The following PRKD2 variants were observed in gnomAD, a reference collection of about 807,000 sequenced individuals.
PRKD2 encodes protein kinase D2, also known as serine/threonine-protein kinase D2.
Under a neutral mutation model 86.0 loss-of-function variants are expected in PRKD2, and 22 were observed. The observed-to-expected ratio is 0.26, with a 90% CI of 0.18 to 0.37. PRKD2 has a LOEUF of 0.37. Among genes scored for constraint, PRKD2 ranks in the 10% least tolerant of loss-of-function variants. The pLI, the probability that PRKD2 is intolerant of heterozygous loss-of-function variation, is 1.00. For missense variants in PRKD2, 818 were observed against 1,199.2 expected (o/e 0.68, Z 4.70); for synonymous variants, 509 against 510.9 (o/e 1.00, Z 0.05).
At chr19:46,714,037 C>T (rs918465243) in intron 1 of PRKD2, 36 bp from the exon 2 acceptor site, 5 of 1,603,376 alleles carry the variant, frequency 3.1e-6, no homozygotes, top group Middle Eastern at 3.3e-4. Flanking sequence ...GACGGAAAAG[C>T]TCAGAGCCGC....
chr19:46,702,751 A>G (rs1166224800), intron 5 of PRKD2, among the ~76,000 whole-genome samples: 4 of 151,166 alleles, frequency 2.6e-5, no homozygotes, highest in African/African-American at 9.7e-5. Context: ...GCAGTGGCAC[A>G]ATCATGGCTC....
At chr19:46,690,521 C>G (rs891993296) in intron 13 of PRKD2, 79 bp downstream of exon 13, 1 of 1,341,022 alleles carries the variant, frequency 7.5e-7, no homozygotes, top group Non-Finnish European at 1.1e-6. Context: ...CCCCAGGAAG[C>G]CTTCCCTGAC....
chr19:46,686,851 T>A (rs1255935440), intron 14 of PRKD2, among the ~76,000 whole-genome samples: 2 of 151,624 alleles, frequency 1.3e-5, no homozygotes, highest in Non-Finnish European at 2.9e-5. Flanking sequence ...CTTGGGAGGC[T>A]GAGGTAGGAG....
intron 8 of PRKD2, 49 bp downstream of exon 8, chr19:46,697,684 C>G (rs2122708460): frequency 6.4e-7 from 1 of 1,550,856 alleles, no homozygotes; most frequent in Admixed American, 1.7e-5. Flanking sequence ...TGAGCCGCCC[C>G]TCTTCCAGCC....
chr19:46,703,733 C>T (rs993166386), intron 5 of PRKD2, among the ~76,000 whole-genome samples: 10 of 151,128 alleles, frequency 6.6e-5, no homozygotes, highest in Non-Finnish European at 1.3e-4. Context: ...GATCACACCA[C>T]TGCACTCCAG....
In PRKD2 at chr19:46,678,983, C is replaced by G. The variant is rs951164327; in HGVS notation, c.2071-320G>C. On this transcript the variant is annotated intron_variant, in intron 15 of 17. Transcript: ENST00000291281. This position sits in a 1 kb window ranked among gnomAD's most constrained non-coding sequence, Gnocchi z 5.7. ...ACAATAAATGCTAGCTGCTGCTATA[C>G]CTCTGCCACCTCCAATGGGTCGCTG... Among the ~76,000 whole-genome samples the G allele has an allele frequency of 2.6e-5, 4 of 152,160 alleles. No homozygotes were observed. The South Asian group carries it at 6.2e-4, about 24-fold the overall frequency.
intron 2 of PRKD2, among the ~76,000 whole-genome samples, chr19:46,712,332 G>A (rs1282544061): frequency 6.6e-6 from 1 of 151,998 alleles, no homozygotes; most frequent in Non-Finnish European, 1.5e-5. Context: ...CTTAAGATCA[G>A]CAGTTCGAGA....
intron 14 of PRKD2, among the ~76,000 whole-genome samples, chr19:46,683,144 C>A (rs1311157082): frequency 2.0e-5 from 3 of 150,738 alleles, no homozygotes; most frequent in Admixed American, 6.7e-5. Context: ...TGTGCCACCA[C>A]CACCATGTCG....
At chr19:46,701,588 G>A (rs915488526) in intron 5 of PRKD2, among the ~76,000 whole-genome samples, 4 of 151,752 alleles carry the variant, frequency 2.6e-5, no homozygotes, top group African/African-American at 9.7e-5. Context: ...CCTGACCTCA[G>A]ATGATCCACC....
In PRKD2 at chr19:46,711,143, A is replaced by T. The variant is rs544360638; in HGVS notation, c.380-105T>A. ...ACAGTGCTCCCAGCCGCAAGGTGTG[A>T]TCTTTCCTTCCTTCCTTCATTTGCT... On this transcript the variant is annotated intron_variant, in intron 2 of 17. Transcript: ENST00000291281. 5.6e-5 allele frequency: 80 copies of T among 1,419,154 alleles called. No individual in the cohort carries two copies. In the African/African-American group the frequency reaches 9.0e-4, roughly 16 times the overall value. The allele number at this position is 1,419,154 out of a possible 1,614,324, so 87.9% of individuals were successfully genotyped here.
chr19:46,689,764 A>G (rs924270616), intron 13 of PRKD2, 66 bp from the exon 14 acceptor site: 17 of 1,572,878 alleles, frequency 1.1e-5, no homozygotes, highest in Non-Finnish European at 1.4e-5. Flanking sequence ...CGGGTCAGGT[A>G]TAGGAGCAGG....
In PRKD2 at chr19:46,702,186, G is replaced by A. The variant is rs373749758; in HGVS notation, c.890-1074C>T. Among the ~76,000 whole-genome samples the A allele has an allele frequency of 2.3e-4, 35 of 151,878 alleles. No homozygotes were observed. In the East Asian group the frequency reaches 5.2e-3, roughly 23 times the overall value. ...CCTGAGTAGCTGAAACTACAGGCAC[G>A]CACTACCATGCCTGGCTAATTTTTC... On this transcript the variant is annotated intron_variant, in intron 5 of 17. Transcript: ENST00000291281.
intron 1 of PRKD2, among the ~76,000 whole-genome samples, chr19:46,715,312 T>G (rs1273185078): frequency 6.6e-6 from 1 of 152,146 alleles, no homozygotes; most frequent in Non-Finnish European, 1.5e-5. Context: ...TTCCAGCATT[T>G]TAATGTTTTA....
chr19:46,680,583 T>C (rs6509290), intron 15 of PRKD2, among the ~76,000 whole-genome samples: 108,498 of 151,636 alleles, frequency 0.72, 39,165 homozygotes, highest in African/African-American at 0.8. Flanking sequence ...GCCGCTGCGC[T>C]CAACCAGAAA....
rs60631103 is a variant in PRKD2 at position 46,688,448 on chromosome 19, T to TATTATTATTATTA, written c.1971+1088_1971+1089insTAATAATAATAAT. The stretch of plus-strand genomic sequence containing the variant: ...TATTATTATTATTATTATTATTTTT[T>TATTATTATTATTA]TTTTTGAGACGAAGTTTCACTCTTG... On this transcript the variant is annotated intron_variant, in intron 14 of 17. Coordinates refer to ENST00000291281, the MANE Select transcript of PRKD2 (RefSeq NM_016457.5). 8.0e-4 allele frequency among the ~76,000 whole-genome samples: 121 copies of TATTATTATTATTA among 150,722 alleles called. 1 individual carries two copies. The highest frequency in any genetic ancestry group is 2.9e-3 in the African/African-American group (120 of 41,052).
chr19:46,685,206 C>G (rs1001742014), intron 14 of PRKD2, among the ~76,000 whole-genome samples: 4 of 146,782 alleles, frequency 2.7e-5, no homozygotes, highest in Non-Finnish European at 5.9e-5. Context: ...TTGCAGTGAG[C>G]TGAGACTGTA....
intron 16 of PRKD2, 89 bp from the exon 17 acceptor site, chr19:46,675,207 C>T (rs2053180489): frequency 1.5e-5 from 16 of 1,083,258 alleles, no homozygotes; most frequent in Non-Finnish European, 2.2e-5. Flanking sequence ...TGCCTGCCAT[C>T]AACACCTTCC....
intron 9 of PRKD2, among the ~76,000 whole-genome samples, chr19:46,696,741 G>A (rs1210934553): frequency 6.6e-6 from 1 of 152,094 alleles, no homozygotes; most frequent in African/African-American, 2.4e-5. Context: ...GCGACAGAGT[G>A]AGACTCTGTC....
chr19:46,696,525 C>T (rs1370784487), intron 9 of PRKD2, among the ~76,000 whole-genome samples: 4 of 151,850 alleles, frequency 2.6e-5, no homozygotes, highest in Admixed American at 6.6e-5. Context: ...TTTGGGAGGC[C>T]GAGGGGGGCA....
Sources: gnomAD v4.1 joint callset for allele counts (sites outside exome capture counted in the v4.1 genomes callset) on GRCh38, gnomAD v4.1.1 for gene constraint, Gnocchi (gnomAD v3.1) non-coding constraint, MANE v1.5 for transcripts, NCBI Gene and HGNC (gene_info 2026-07-23, HGNC 2026-07-21) for gene names.